FA2H: variants seen among roughly 807,000 people sequenced by gnomAD.
FA2H encodes the protein fatty acid alpha-hydroxylase.
FA2H carries 22 observed loss-of-function variants against 44.9 expected under a neutral mutation model. That is an observed-to-expected ratio of 0.49 (90% CI 0.35 to 0.70). The LOEUF (loss-of-function observed/expected upper bound fraction) is 0.70, where lower values mean the gene tolerates loss of function less well. Among genes scored for constraint, FA2H ranks in the 30% least tolerant of loss-of-function variants. The pLI, the probability that FA2H is intolerant of heterozygous loss-of-function variation, is 0.01. For synonymous variants in FA2H, 243 were observed against 213.2 expected (o/e 1.14, Z -1.22); for missense variants, 501 against 504.9 (o/e 0.99, Z 0.07).
chr16:74,744,121 A>T (rs1962368411), intron 1 of FA2H, among the ~76,000 whole-genome samples: 1 of 152,138 alleles, frequency 6.6e-6, no homozygotes, highest in Non-Finnish European at 1.5e-5. Context: ...CGCATGCCAC[A>T]CACGTTGATC....
chr16:74,740,622 A>T (rs948607369), intron 1 of FA2H, among the ~76,000 whole-genome samples: 14 of 29,526 alleles, frequency 4.7e-4, no homozygotes, highest in Admixed American at 8.9e-4. Flanking sequence ...CCATCTCAAA[A>T]TAATAATAAT....
chr16:74,768,337 G>C (rs1320485340), intron 1 of FA2H, among the ~76,000 whole-genome samples: 3 of 152,292 alleles, frequency 2.0e-5, no homozygotes, highest in Admixed American at 1.3e-4. Flanking sequence ...AGCTTGTGCT[G>C]ACCCTGGGGT....
intron 1 of FA2H, among the ~76,000 whole-genome samples, chr16:74,773,528 C>A (rs775482930): frequency 4.6e-5 from 7 of 152,132 alleles, no homozygotes; most frequent in Admixed American, 3.9e-4. Context: ...TCAAGAGAGT[C>A]GCTTTGCCTC....
intron 5 of FA2H, among the ~76,000 whole-genome samples, chr16:74,717,995 C>A (rs753509087): frequency 2.7e-4 from 41 of 152,148 alleles, no homozygotes; most frequent in Non-Finnish European, 5.1e-4. Context: ...TGAGAGCATA[C>A]CTGAGAGACA....
intron 2 of FA2H, among the ~76,000 whole-genome samples, chr16:74,734,434 C>T (rs978075000): frequency 5.3e-5 from 8 of 152,216 alleles, no homozygotes; most frequent in Admixed American, 6.5e-5. Context: ...ACCAACGGGC[C>T]GGGGCCCAGG....
intron 4 of FA2H, among the ~76,000 whole-genome samples, chr16:74,719,495 C>CGACACTCCTGAGCCAGG (rs1555537659): frequency 2.6e-5 from 4 of 151,954 alleles, no homozygotes; most frequent in African/African-American, 4.8e-5. Context: ...GAAGAGAAGG[C>CGACACTCCTGAGCCAGG]GACACTCCTG....
chr16:74,717,248 T>G (rs917555961), intron 5 of FA2H: 1 of 152,224 alleles, frequency 6.6e-6, no homozygotes, highest in African/African-American at 2.4e-5. Context: ...TAGCTATGGC[T>G]TGGTGAGGAG....
At chr16:74,764,619 G>T (rs970521028) in intron 1 of FA2H, among the ~76,000 whole-genome samples, 2 of 151,988 alleles carry the variant, frequency 1.3e-5, no homozygotes, top group African/African-American at 4.8e-5. Flanking sequence ...TAACTAATGG[G>T]TACTAGACTT....
At chr16:74,752,124 T>A (rs2144649327) in intron 1 of FA2H, among the ~76,000 whole-genome samples, 1 of 152,158 alleles carries the variant, frequency 6.6e-6, no homozygotes, top group Middle Eastern at 3.4e-3. Context: ...AATTTCAAAT[T>A]CTCTCCATCC....
At chr16:74,737,884 G>A (rs1962212891) in intron 2 of FA2H, among the ~76,000 whole-genome samples, 1 of 152,212 alleles carries the variant, frequency 6.6e-6, no homozygotes, top group African/African-American at 2.4e-5. Context: ...CAGAGAGAGG[G>A]CTCAGGTTGG....
chr16:74,718,273 A>G (rs75432008), intron 5 of FA2H, among the ~76,000 whole-genome samples: 4,748 of 152,262 alleles, frequency 0.031, 269 homozygotes, highest in African/African-American at 0.11. Context: ...ATTTTCTCTG[A>G]TTTATGCCCA....
intron 1 of FA2H, among the ~76,000 whole-genome samples, chr16:74,761,800 A>G (rs896317180): frequency 6.6e-6 from 1 of 152,236 alleles, no homozygotes; most frequent in African/African-American, 2.4e-5. Flanking sequence ...GAAAAAAAAT[A>G]GAAAACTTCA....
rs1313552468 is a variant in FA2H, at chr16:74,713,334, G to C, written c.*856C>G. 1 of 152,698 alleles carries C rather than the reference G, an allele frequency of 6.5e-6. No homozygotes were observed. Among genetic ancestry groups the C allele is most frequent in the Non-Finnish European group, 1.5e-5 (1 of 68,110 alleles). The allele number at this position is 152,698 out of a possible 1,614,324, so 9.5% of individuals were successfully genotyped here. ...GAGGGTTTTGGTTACGAGGAGGAAG[G>C]GGCAGGAACCTCATCTGCGGAGGCT... On this transcript the variant is annotated 3_prime_UTR_variant, in exon 7 of 7. Coordinates refer to ENST00000219368, the MANE Select transcript of FA2H (RefSeq NM_024306.5).
chr16:74,757,558 C>T (rs1004459896), intron 1 of FA2H, among the ~76,000 whole-genome samples: 8 of 151,890 alleles, frequency 5.3e-5, no homozygotes, highest in African/African-American at 1.2e-4. Context: ...GTGACACTGA[C>T]GTAATAGATA....
chr16:74,764,569 C>A lies in FA2H; in HGVS notation c.270+9917G>T, dbSNP rs543415731. Among the ~76,000 whole-genome samples the A allele has an allele frequency of 2.6e-5, 4 of 152,118 alleles. No homozygotes were observed. The South Asian group carries it at 8.3e-4, about 32-fold the overall frequency. Reference sequence around the variant, plus strand: ...ACAACAGATACCTGAGGCCTCCACCCGAGGGTGCAGGATAGGAGGAGGGAG... The same window carrying A: ...ACAACAGATACCTGAGGCCTCCACCAGAGGGTGCAGGATAGGAGGAGGGAG... On this transcript the variant is annotated intron_variant, in intron 1 of 6. Transcript: ENST00000219368.
chr16:74,716,884 G>C (rs143338264), intron 5 of FA2H: 1 of 471,936 alleles, frequency 2.1e-6, no homozygotes, highest in African/African-American at 1.9e-5. Flanking sequence ...GTGTGCTGGC[G>C]GCTCAGAGCC....
chr16:74,731,315 G>A (rs879441402), intron 2 of FA2H, among the ~76,000 whole-genome samples: 2 of 68,036 alleles, frequency 2.9e-5, no homozygotes, highest in African/African-American at 1.2e-4. Context: ...TTTTTTTTTT[G>A]TATTTTTAGT....
At chr16:74,744,906 T>G (rs1962387300) in intron 1 of FA2H, among the ~76,000 whole-genome samples, 1 of 151,984 alleles carries the variant, frequency 6.6e-6, no homozygotes, top group Non-Finnish European at 1.5e-5. Flanking sequence ...TTGAACTGGG[T>G]AGGTTTCAGT....
intron 1 of FA2H, among the ~76,000 whole-genome samples, chr16:74,742,044 T>C (rs932755091): frequency 3.3e-5 from 5 of 152,146 alleles, no homozygotes; most frequent in African/African-American, 9.6e-5. Context: ...AGTGGTGTGA[T>C]AGGTTCCAAC....
Sources: allele counts gnomAD v4.1 joint callset (sites outside exome capture counted in the v4.1 genomes callset), GRCh38; gene constraint gnomAD v4.1.1; transcripts MANE v1.5; gene names NCBI Gene and HGNC (gene_info 2026-07-23, HGNC 2026-07-21).